GUCY1A1: variants seen among roughly 807,000 people sequenced by gnomAD.
GUCY1A1 encodes guanylate cyclase 1 soluble subunit alpha 1, also known as guanylate cyclase soluble subunit alpha-1.
A neutral mutation model predicts 64.5 loss-of-function variants in GUCY1A1; 48 were observed. The observed-to-expected ratio is 0.74, with a 90% confidence interval of 0.59 to 0.95. The LOEUF is 0.95. GUCY1A1 is among the 40% of genes least tolerant of loss of function. The pLI is 0.00. For missense variants in GUCY1A1, 804 were observed against 825.3 expected, an observed-to-expected ratio of 0.97 and a Z score of 0.32; for synonymous variants, 308 against 303.4, an observed-to-expected ratio of 1.02 and a Z score of -0.16.
At chr4:155,727,210 TG>T (rs998316921) in intron 9 of GUCY1A1, among the ~76,000 whole-genome samples, 5 of 152,092 alleles carry the variant, frequency 3.3e-5, no homozygotes, top group African/African-American at 1.2e-4. Context: ...CTGCCTTTTT[TG>T]GGTGTTGCTA....
chr4:155,709,558 G>C (rs779678412), intron 5 of GUCY1A1, among the ~76,000 whole-genome samples: 1 of 152,210 alleles, frequency 6.6e-6, no homozygotes, highest in Non-Finnish European at 1.5e-5. Flanking sequence ...TCTTGGCAAG[G>C]CATGGTGGTT....
At chr4:155,722,316 G>A (rs558338618) in intron 9 of GUCY1A1, 124 bp downstream of exon 9, 19 of 1,448,858 alleles carry the variant, frequency 1.3e-5, no homozygotes, top group African/African-American at 2.9e-5. Flanking sequence ...AAAAAGAAAC[G>A]TGATAACTTT....
intron 2 of GUCY1A1, among the ~76,000 whole-genome samples, chr4:155,677,900 T>C (rs1048868463): frequency 6.6e-6 from 1 of 151,796 alleles, no homozygotes; most frequent in African/African-American, 2.4e-5. Context: ...AGACTTGGTC[T>C]TAGAATAAAT....
Position 155,722,125 on chromosome 4 carries a change from ACT to A in GUCY1A1, c.1807_1808del (p.Leu603GlyfsTer2). 6.2e-7 allele frequency: 1 copy of A among 1,613,514 alleles called. No individual in the cohort carries two copies. Among genetic ancestry groups the A allele is most frequent in the African/African-American group, 1.3e-5 (1 of 74,946 alleles). On this transcript the variant is annotated frameshift_variant, in exon 9 of 10. Coordinates refer to ENST00000506455, the MANE Select transcript of GUCY1A1 (RefSeq NM_001130682.3). LOFTEE classifies it high-confidence loss of function. ...PRYCLFGNNV[T>X]LANKFESCSV... is the part of the protein sequence containing the mutation. ...TTACTGTCTTTTTGGAAACAATGTCACTCTGGCTAACAAATTTGAGTCCTGCA... is the reference window on the plus strand; with the variant it reads ...TTACTGTCTTTTTGGAAACAATGTCACTGGCTAACAAATTTGAGTCCTGCA...
At chr4:155,674,921 T>C (rs1734685818) in intron 2 of GUCY1A1, among the ~76,000 whole-genome samples, 1 of 151,606 alleles carries the variant, frequency 6.6e-6, no homozygotes, top group Non-Finnish European at 1.5e-5. Context: ...GTACTATGCT[T>C]TTTATATGAC....
intron 8 of GUCY1A1, among the ~76,000 whole-genome samples, chr4:155,717,553 A>G (rs770822012): frequency 9.2e-5 from 14 of 152,208 alleles, no homozygotes; most frequent in Non-Finnish European, 1.8e-4. Context: ...AATGTTTCCC[A>G]TAGTATAGGG....
At chr4:155,716,791 T>C (rs1344235988) in intron 7 of GUCY1A1, among the ~76,000 whole-genome samples, 1 of 152,094 alleles carries the variant, frequency 6.6e-6, no homozygotes, top group Non-Finnish European at 1.5e-5. Context: ...GAGTAAATGA[T>C]CCCAACATCT....
At chr4:155,689,920 C>G (rs138499715) in intron 2 of GUCY1A1, among the ~76,000 whole-genome samples, 505 of 152,220 alleles carry the variant, frequency 3.3e-3, no homozygotes, top group African/African-American at 0.012. Flanking sequence ...TAAGCATCCT[C>G]CTCTTTAAAA....
chr4:155,674,825 A>G (rs1734670236), intron 2 of GUCY1A1, among the ~76,000 whole-genome samples: 3 of 151,696 alleles, frequency 2.0e-5, no homozygotes, highest in Admixed American at 2.0e-4. Context: ...AAATAACAAT[A>G]AAAGGCATAA....
intron 2 of GUCY1A1, among the ~76,000 whole-genome samples, chr4:155,672,125 T>C (rs2126507913): frequency 6.6e-6 from 1 of 152,274 alleles, no homozygotes; most frequent in Non-Finnish European, 1.5e-5. Flanking sequence ...GGCCACTTGA[T>C]TTGGGACTTT....
chr4:155,703,813 G>A, intron 3 of GUCY1A1, 119 bp from the exon 4 acceptor site: 1 of 646,624 alleles, frequency 1.5e-6, no homozygotes, highest in Non-Finnish European at 2.8e-6. Flanking sequence ...TATCATTCAA[G>A]CAATTGTATA....
chr4:155,719,452 G>A (rs140402992), intron 8 of GUCY1A1, among the ~76,000 whole-genome samples: 1 of 152,228 alleles, frequency 6.6e-6, no homozygotes, highest in East Asian at 1.9e-4. Context: ...TGGCAGACAC[G>A]AGCAGTCAAG....
intron 2 of GUCY1A1, among the ~76,000 whole-genome samples, chr4:155,680,848 G>T (rs1047440652): frequency 2.6e-5 from 4 of 151,726 alleles, no homozygotes; most frequent in Non-Finnish European, 5.9e-5. Flanking sequence ...ATCTGGGATG[G>T]CAGAGGCAGA....
chr4:155,725,920 A>C (rs1734601228), intron 9 of GUCY1A1, among the ~76,000 whole-genome samples: 1 of 152,082 alleles, frequency 6.6e-6, no homozygotes, highest in African/African-American at 2.4e-5. Context: ...ACACATGCCC[A>C]TTTCAGAAAA....
At chr4:155,689,534 A>T (rs1729460353) in intron 2 of GUCY1A1, among the ~76,000 whole-genome samples, 1 of 152,220 alleles carries the variant, frequency 6.6e-6, no homozygotes, top group Non-Finnish European at 1.5e-5. Flanking sequence ...AATTAGTTAT[A>T]AAACATTCTG....
chr4:155,728,403 A>G (rs546593134), intron 9 of GUCY1A1, among the ~76,000 whole-genome samples: 1 of 151,964 alleles, frequency 6.6e-6, no homozygotes, highest in African/African-American at 2.4e-5. Flanking sequence ...ATGTTACTAT[A>G]TGTGCATGTG....
intron 8 of GUCY1A1, among the ~76,000 whole-genome samples, chr4:155,720,498 C>G (rs894855384): frequency 6.6e-6 from 1 of 152,042 alleles, no homozygotes; most frequent in Admixed American, 6.6e-5. Context: ...TAAAAATAAT[C>G]AAACCCCTGC....
At chr4:155,714,851 G>A (rs929712985) in intron 7 of GUCY1A1, among the ~76,000 whole-genome samples, 3 of 152,124 alleles carry the variant, frequency 2.0e-5, no homozygotes, top group Admixed American at 6.5e-5. Context: ...CTTCAGTTAC[G>A]TTAAGTTTGA....
At chr4:155,676,210 G>C (rs1028035994) in intron 2 of GUCY1A1, among the ~76,000 whole-genome samples, 1 of 150,536 alleles carries the variant, frequency 6.6e-6, no homozygotes, top group Non-Finnish European at 1.5e-5. Flanking sequence ...AAGAAAATGA[G>C]ACCTAAATAG....
Sources: allele counts gnomAD v4.1 joint callset (sites outside exome capture counted in the v4.1 genomes callset), GRCh38; gene constraint gnomAD v4.1.1; transcripts MANE v1.5; gene names NCBI Gene and HGNC (gene_info 2026-07-23, HGNC 2026-07-21).